SPTBN1: variants seen among roughly 807,000 people sequenced by gnomAD.
SPTBN1 encodes the protein spectrin beta, non-erythrocytic 1, also known as spectrin beta chain, non-erythrocytic 1.
In SPTBN1, 32 loss-of-function variants were observed where a neutral mutation model predicts 266.4. The observed-to-expected ratio is 0.12, with a 90% CI of 0.09 to 0.16. The LOEUF (loss-of-function observed/expected upper bound fraction) is 0.16, where lower values mean the gene tolerates loss of function less well. Ranked by LOEUF, SPTBN1 falls within the 10% of genes least tolerant of loss-of-function variation. The pLI is 1.00. For synonymous variants in SPTBN1, 1,336 were observed against 1,162.2 expected (o/e 1.15, Z -3.04); for missense variants, 2,296 against 3,067.1 (o/e 0.75, Z 5.94).
intron 1 of SPTBN1, among the ~76,000 whole-genome samples, chr2:54,481,418 G>A (rs1244954073): frequency 7.5e-6 from 1 of 132,664 alleles, no homozygotes; most frequent in East Asian, 1.9e-4. Context: ...GTGTGTGTGT[G>A]TGTGTGTGTG....
At position 54,558,327 on chromosome 2, in the gene SPTBN1, C is replaced by T; in HGVS notation, c.148+31761C>T. On this transcript the variant is annotated intron_variant, in intron 2 of 35. Transcript: ENST00000356805. The surrounding 1 kb of genome is among the most constrained non-coding windows in gnomAD (Gnocchi z 4.6). ...TTATGCTAATCAGGTGACATCACCG[C>T]CCAGCACACGGCGAGTGGCTCCTGA... 4.0e-6 allele frequency: 4 copies of T among 994,250 alleles called. No homozygotes were observed. The highest frequency in any genetic ancestry group is 4.8e-6 in the Non-Finnish European group (4 of 835,506). The allele number at this position is 994,250 out of a possible 1,614,324, so 61.6% of individuals were successfully genotyped here.
chr2:54,667,480 T>G, intron 34 of SPTBN1, 124 bp from the exon 35 acceptor site: 3 of 846,444 alleles, frequency 3.5e-6, no homozygotes, highest in Non-Finnish European at 5.6e-6. Context: ...TGGTGACATA[T>G]GTAGGTTGAC....
chr2:54,480,893 G>C (rs1668060744), intron 1 of SPTBN1, among the ~76,000 whole-genome samples: 1 of 152,168 alleles, frequency 6.6e-6, no homozygotes, highest in African/African-American at 2.4e-5. Context: ...GCCAGCTCTA[G>C]GAGTTCTCGG....
chr2:54,495,679 T>TTTTTTTTTTTTTATTATACTC (rs1279259203), intron 1 of SPTBN1, among the ~76,000 whole-genome samples: 30 of 143,090 alleles, frequency 2.1e-4, no homozygotes, highest in Non-Finnish European at 3.4e-4. Flanking sequence ...GCATGTGTTT[T>TTTTTTTTTTTTTATTATACTC]TACCTTTATT....
At position 54,522,711 on chromosome 2, in the gene SPTBN1, G is replaced by GAAA. The variant is rs1401503525; in HGVS notation, c.-47-3661_-47-3660insAAA. Among the ~76,000 whole-genome samples, 148 of 93,130 alleles carry GAAA rather than the reference G, an allele frequency of 1.6e-3. 1 individual carries two copies. The highest frequency in any genetic ancestry group is 4.0e-3 in the African/African-American group (90 of 22,658). The allele number at this position is 93,130 out of a possible 152,430, so 61.1% of individuals were successfully genotyped here. A position where few individuals can be genotyped will look rare whatever the true frequency, so the allele number is the denominator to read the frequency against. On this transcript the variant is annotated intron_variant, in intron 1 of 35. Transcript: ENST00000356805. ...AGAGAGAGAGAGAGAAAGAAAGAAAGGAAAGAAAGAAAGAAAGAAAGAAAT... is the reference window on the plus strand; with the variant it reads ...AGAGAGAGAGAGAGAAAGAAAGAAAGAAAGAAAGAAAGAAAGAAAGAAAGAAAT...
chr2:54,606,892 G>A (rs944605723), intron 3 of SPTBN1, among the ~76,000 whole-genome samples: 7 of 152,196 alleles, frequency 4.6e-5, no homozygotes, highest in Admixed American at 4.6e-4. Context: ...AGCACTTGCA[G>A]AATCAGAGTT....
intron 2 of SPTBN1, among the ~76,000 whole-genome samples, chr2:54,571,275 C>G (rs1674046448): frequency 6.6e-6 from 1 of 152,060 alleles, no homozygotes; most frequent in Non-Finnish European, 1.5e-5. Flanking sequence ...TTGCATAAAC[C>G]AACAGTCAAA....
At chr2:54,539,919 C>T (rs548161522) in intron 2 of SPTBN1, among the ~76,000 whole-genome samples, 7 of 152,110 alleles carry the variant, frequency 4.6e-5, no homozygotes, top group Admixed American at 3.9e-4. Flanking sequence ...AATCTTAACC[C>T]ACACCATGAG....
intron 1 of SPTBN1, among the ~76,000 whole-genome samples, chr2:54,483,989 G>A (rs1419667454): frequency 6.6e-6 from 1 of 152,068 alleles, no homozygotes; most frequent in Non-Finnish European, 1.5e-5. Flanking sequence ...GAGCCCAGGG[G>A]TTCGAGACCA....
intron 35 of SPTBN1, 31 bp downstream of exon 35, chr2:54,667,677 A>G (rs781232644): frequency 1.2e-6 from 2 of 1,601,346 alleles, no homozygotes; most frequent in African/African-American, 2.7e-5. Flanking sequence ...TCTCTCCACT[A>G]CTTAGGAGTT....
chr2:54,607,185 G>A (rs775944430), intron 3 of SPTBN1, among the ~76,000 whole-genome samples: 1 of 152,188 alleles, frequency 6.6e-6, no homozygotes, highest in African/African-American at 2.4e-5. Context: ...TTAACTGACT[G>A]CAGGTAGAAA....
intron 2 of SPTBN1, among the ~76,000 whole-genome samples, chr2:54,566,235 C>T (rs1464275386): frequency 3.6e-5 from 5 of 140,414 alleles, no homozygotes; most frequent in African/African-American, 1.4e-4. Flanking sequence ...GTCGCCCAGG[C>T]TGGAGTGCAG....
chr2:54,592,370 CT>C (rs72536019), intron 2 of SPTBN1, among the ~76,000 whole-genome samples: 42,581 of 138,090 alleles, frequency 0.31, 7,472 homozygotes, highest in Admixed American at 0.37. Flanking sequence ...ATATTTCATA[CT>C]TTTTTTTTTC....
intron 1 of SPTBN1, among the ~76,000 whole-genome samples, chr2:54,522,658 A>AAGAGAAAG (rs1553439360): frequency 8.6e-4 from 70 of 81,866 alleles, no homozygotes; most frequent in African/African-American, 2.3e-3. Flanking sequence ...GAGAGAGAGA[A>AAGAGAAAG]AGAGAGAGAG....
intron 2 of SPTBN1, among the ~76,000 whole-genome samples, chr2:54,583,339 A>G (rs1015347377): frequency 3.9e-5 from 6 of 152,124 alleles, no homozygotes; most frequent in African/African-American, 1.4e-4. Flanking sequence ...CTTATTTCCT[A>G]CTGCTTAGTA....
Position 54,649,251 on chromosome 2 carries a change from T to A in SPTBN1, c.5202+61T>A. 1 of 1,507,896 alleles carries A rather than the reference T, an allele frequency of 6.6e-7. No homozygotes were observed. The highest frequency in any genetic ancestry group is 9.0e-7 in the Non-Finnish European group (1 of 1,111,080). 93.4% of individuals were successfully genotyped at this position (1,507,896 alleles called of 1,614,324 possible). A position where few individuals can be genotyped will look rare whatever the true frequency, so the allele number is the denominator to read the frequency against. On this transcript the variant is annotated intron_variant, in intron 25 of 35. Coordinates refer to ENST00000356805, the MANE Select transcript of SPTBN1 (RefSeq NM_003128.3). This position sits in a 1 kb window ranked among gnomAD's most constrained non-coding sequence, Gnocchi z 6.7. ...AGTAAGCGATGGTGTGGAAGGCCAT[T>A]TGCATTCCTTGTCTGTGAGCAGATA...
intron 32 of SPTBN1, chr2:54,660,901 C>T: frequency 1.0e-6 from 1 of 985,470 alleles, no homozygotes; most frequent in Non-Finnish European, 1.2e-6. Flanking sequence ...GCTTGCCTCA[C>T]AGACTTCCAT....
At chr2:54,575,170 T>G (rs1161036376) in intron 2 of SPTBN1, among the ~76,000 whole-genome samples, 1 of 152,230 alleles carries the variant, frequency 6.6e-6, no homozygotes, top group Non-Finnish European at 1.5e-5. Context: ...TTTTGTTTTG[T>G]TTTAAATCCA....
intron 33 of SPTBN1, among the ~76,000 whole-genome samples, chr2:54,665,181 A>G (rs905397584): frequency 1.3e-5 from 2 of 152,190 alleles, no homozygotes; most frequent in Non-Finnish European, 2.9e-5. Flanking sequence ...GTAAATGGCA[A>G]AGCTGGAATA....
Sources: gnomAD v4.1 joint callset for allele counts (sites outside exome capture counted in the v4.1 genomes callset) on GRCh38, gnomAD v4.1.1 for gene constraint, Gnocchi (gnomAD v3.1) non-coding constraint, MANE v1.5 for transcripts, NCBI Gene and HGNC (gene_info 2026-07-23, HGNC 2026-07-21) for gene names.